VPS9D1: variants seen among roughly 807,000 people sequenced by gnomAD.
VPS9D1 encodes VPS9 domain-containing protein 1.
A neutral mutation model predicts 75.8 loss-of-function variants in VPS9D1; 78 were observed. The observed-to-expected ratio is 1.03, with a 90% CI of 0.86 to 1.24. VPS9D1 has a LOEUF of 1.24. Ranked by LOEUF, VPS9D1 falls within the 50% of genes most tolerant of loss-of-function variation. VPS9D1 has a pLI of 0.00. For synonymous variants in VPS9D1, 481 were observed against 385.6 expected (o/e 1.25, Z -2.90); for missense variants, 1,057 against 847.7 (o/e 1.25, Z -3.07).
chr16:89,717,879 C>T (rs779375996), intron 2 of VPS9D1: 4 of 450,974 alleles, frequency 8.9e-6, no homozygotes, highest in Admixed American at 2.4e-5. Context: ...TCTGTGATCC[C>T]ACGTCCAGGG....
Position 89,716,615 on chromosome 16 carries a change from CGT to C in VPS9D1, c.276_277del (p.Arg93ProfsTer25), listed in dbSNP as rs2061075901. On this transcript the variant is annotated frameshift_variant, in exon 4 of 15. Transcript: ENST00000389386. LOFTEE classifies it high-confidence loss of function. ...AGCTGCAGGCATGGTTGGCTTCAGGCGTGTTTTCCCTGCAAGCCATGGGTAAC... is the reference window on the plus strand; with the variant it reads ...AGCTGCAGGCATGGTTGGCTTCAGGCGTTTTCCCTGCAAGCCATGGGTAAC... The C allele has an allele frequency of 6.2e-7, 1 of 1,612,906 alleles. No homozygotes were observed. Among genetic ancestry groups the C allele is most frequent in the Non-Finnish European group, 8.5e-7 (1 of 1,179,332 alleles).
chr16:89,717,661 C>G, intron 2 of VPS9D1: 3 of 456,550 alleles, frequency 6.6e-6, no homozygotes, highest in Non-Finnish European at 1.3e-5. Context: ...CCTTACCCGT[C>G]CCCACCTTGC....
chr16:89,720,518 C>T (rs1417911421), intron 1 of VPS9D1: 1 of 1,151,656 alleles, frequency 8.7e-7, no homozygotes, highest in Non-Finnish European at 1.1e-6. Context: ...GGAGCCCAGG[C>T]TGTGATGCAC....
At chr16:89,719,134 G>A (rs1320262549) in intron 1 of VPS9D1, 32 bp from the exon 2 acceptor site, 4 of 1,600,674 alleles carry the variant, frequency 2.5e-6, no homozygotes, top group East Asian at 4.5e-5. Context: ...AGTGGGGTCA[G>A]GCCAGTGGAG....
intron 1 of VPS9D1, 177 bp from the exon 2 acceptor site, chr16:89,719,279 G>T: frequency 1.5e-6 from 1 of 672,430 alleles, no homozygotes; most frequent in South Asian, 1.5e-5. Flanking sequence ...GGTTTTCTGC[G>T]CAGGGCACAG....
rs754752596 is a variant in VPS9D1, at chr16:89,719,051, G to A, written c.151C>T (p.Leu51=). Residue 51 remains leucine, a synonymous_variant, in exon 2 of 15, where the codon CTA becomes TTA. Coordinates refer to ENST00000389386, the MANE Select transcript of VPS9D1 (RefSeq NM_004913.3). ...RSIHYISQVL[L]EEVETTKEAG... ...CCTTTAGTGGTTTCCACTTCTTCTA[G>A]TAACACCTGGGAGATATAGTGGATG... 3.7e-6 allele frequency: 6 copies of A among 1,613,536 alleles called. No individual in the cohort carries two copies. In the Admixed American group the frequency reaches 6.7e-5, roughly 18 times the overall value.
chr16:89,712,798 G>A (rs1318398106), intron 4 of VPS9D1, 82 bp from the exon 5 acceptor site: 8 of 1,266,820 alleles, frequency 6.3e-6, no homozygotes, highest in Non-Finnish European at 7.4e-6. Flanking sequence ...TCATCCTCCC[G>A]GATTGCTCTG....
At position 89,710,611 on chromosome 16, in the gene VPS9D1, C is replaced by A. The variant is rs768067382; in HGVS notation, c.1233G>T (p.Ala411=). Residue 411 remains alanine (A), a synonymous_variant, in exon 10 of 15, where the codon GCG becomes GCT. Transcript: ENST00000389386. ...CTACGGCATTGTGGATCTCCTCCACCGCGGTCTTCAGCTGCTGCAGCTGGG... is the reference window on the plus strand; with the variant it reads ...CTACGGCATTGTGGATCTCCTCCACAGCGGTCTTCAGCTGCTGCAGCTGGG... ...PEPQLQQLKT[A]VEEIHNAVDR... 2 of 1,606,932 alleles carry A rather than the reference C, an allele frequency of 1.2e-6. No individual in the cohort carries two copies. The highest frequency in any genetic ancestry group is 1.7e-6 in the Non-Finnish European group (2 of 1,175,184).
chr16:89,708,657 G>A lies in VPS9D1; in HGVS notation c.1698-126C>T, dbSNP rs542519597. The stretch of plus-strand genomic sequence containing the variant: ...TGTGCCCTTCTGCGCAGAGGCACCG[G>A]AAGGCAGCTGGGCATGGTGAGGCTG... On this transcript the variant is annotated intron_variant, in intron 13 of 14. Transcript: ENST00000389386. 1.2e-5 allele frequency: 14 copies of A among 1,168,318 alleles called. No individual in the cohort carries two copies. The South Asian group carries it at 1.6e-4, about 13-fold the overall frequency. 72.4% of individuals were successfully genotyped at this position (1,168,318 alleles called of 1,614,324 possible).
intron 3 of VPS9D1, 23 bp downstream of exon 3, chr16:89,716,707 G>GCCGCCTACTGCAGGAGAC: frequency 6.3e-7 from 1 of 1,589,792 alleles, no homozygotes; most frequent in Non-Finnish European, 8.6e-7. Context: ...CCCCAGGAGA[G>GCCGCCTACTGCAGGAGAC]CCGCCTACTG....
intron 7 of VPS9D1, 28 bp downstream of exon 7, chr16:89,712,019 C>T (rs1461844379): frequency 6.5e-7 from 1 of 1,549,274 alleles, no homozygotes; most frequent in South Asian, 1.2e-5. Context: ...CTCCCCGCAG[C>T]GGCCCCAGGG....
At chr16:89,719,350 A>C in intron 1 of VPS9D1, 1 of 590,890 alleles carries the variant, frequency 1.7e-6, no homozygotes, top group South Asian at 1.5e-5. Flanking sequence ...AGAGAGAGCC[A>C]GGGACGAGCT....
chr16:89,720,497 C>G, intron 1 of VPS9D1: 1 of 1,130,240 alleles, frequency 8.8e-7, no homozygotes, highest in Non-Finnish European at 1.1e-6. Context: ...TGCTACATCT[C>G]CTCTACAGGT....
chr16:89,712,776 G>C, intron 4 of VPS9D1, 60 bp from the exon 5 acceptor site: 14 of 1,366,912 alleles, frequency 1.0e-5, no homozygotes, highest in African/African-American at 1.5e-5. Flanking sequence ...CTGGACACCA[G>C]AGGAGTCTCT....
chr16:89,712,833 G>A, intron 4 of VPS9D1, 117 bp from the exon 5 acceptor site: 1 of 909,306 alleles, frequency 1.1e-6, no homozygotes, highest in Non-Finnish European at 1.6e-6. Context: ...GGAGAAAGAG[G>A]AGGGGAGCCA....
In VPS9D1 at chr16:89,720,792, T is replaced by G. The variant is rs2061243482; in HGVS notation, c.70A>C (p.Ile24Leu). The G allele has an allele frequency of 1.4e-6, 2 of 1,459,526 alleles. No homozygotes were observed. Among genetic ancestry groups the G allele is most frequent in the African/African-American group, 1.5e-5 (1 of 67,792 alleles). 90.4% of individuals were successfully genotyped at this position (1,459,526 alleles called of 1,614,324 possible). A position where few individuals can be genotyped will look rare whatever the true frequency, so the allele number is the denominator to read the frequency against. ...QSAMKLANGA[I>L]ELDTGNRPRE... ...GGCCGGTTGCCGGTGTCCAGCTCGA[T>G]GGCCCCGTTGGCAAGCTTCATGGCG... Residue 24 changes from isoleucine to leucine, a missense_variant, in exon 1 of 15, where the codon ATC (isoleucine) becomes CTC (leucine). Physicochemically the swap from Ile to Leu is conservative, Grantham distance 5. Transcript: ENST00000389386.
In VPS9D1 at chr16:89,708,429, C is replaced by A. The variant is rs762605380; in HGVS notation, c.1800G>T (p.Glu600Asp). The A allele has an allele frequency of 3.7e-6, 6 of 1,611,100 alleles. No individual in the cohort carries two copies. Among genetic ancestry groups the A allele is most frequent in the Non-Finnish European group, 5.1e-6 (6 of 1,179,190 alleles). The change falls in exon 14 of 15, where the codon GAG becomes GAT. Residue 600 changes from glutamate to aspartate, a missense_variant and splice_region_variant. Transcript: ENST00000389386. Reference protein sequence around the residue: ...ECAALEEFIHEGYLIGEEGYC... With the variant: ...ECAALEEFIHDGYLIGEEGYC... ...CACCCTGACCCGCCAGGGTCTACCC[C>A]TCGTGGATGAACTCCTCCAGGGCCG... is the stretch of plus-strand genomic sequence containing the variant.
rs750216352 is a variant in VPS9D1, at chr16:89,707,913, T to A, written c.1844A>T (p.Gln615Leu). The A allele has an allele frequency of 6.2e-7, 1 of 1,613,114 alleles. No individual in the cohort carries two copies. Among genetic ancestry groups the A allele is most frequent in the Non-Finnish European group, 8.5e-7 (1 of 1,179,964 alleles). The change falls in exon 15 of 15, where the codon CAG (glutamine) becomes CTG (leucine). Residue 615 changes from glutamine to leucine, a missense_variant. Coordinates refer to ENST00000389386, the MANE Select transcript of VPS9D1 (RefSeq NM_004913.3). ...GEEGYCLTSL[Q>L]SALSYVELLP... is the part of the protein sequence containing the mutation. ...CAGCTCCACGTAGCTCAGGGCACTC[T>A]GCAGTGATGTGAGGCAGTAGCCCTC...
intron 6 of VPS9D1, 64 bp downstream of exon 6, chr16:89,712,396 G>A (rs2060953462): frequency 1.2e-6 from 2 of 1,602,506 alleles, no homozygotes; most frequent in Non-Finnish European, 1.7e-6. Context: ...CCCCTTCTCT[G>A]CCCTTGGCTC....
Sources: allele counts gnomAD v4.1 joint callset, GRCh38; gene constraint gnomAD v4.1.1; transcripts MANE v1.5; gene names NCBI Gene and HGNC (gene_info 2026-07-23, HGNC 2026-07-21).